The following PDE5A variants were observed in gnomAD, a reference collection of about 807,000 sequenced individuals.
PDE5A encodes the protein cGMP-specific 3',5'-cyclic phosphodiesterase.
Under a neutral mutation model 110.2 loss-of-function variants are expected in PDE5A, and 67 were observed. The ratio of observed to expected loss-of-function variants is 0.61; its 90% confidence interval spans 0.50 to 0.75. The LOEUF (loss-of-function observed/expected upper bound fraction) is 0.75. Ranked by LOEUF, PDE5A falls within the 30% of genes least tolerant of loss-of-function variation. PDE5A has a pLI of 0.00. For synonymous variants in PDE5A, 328 were observed against 351.2 expected, an observed-to-expected ratio of 0.93 and a Z score of 0.74; for missense variants, 862 against 1,045.1, an observed-to-expected ratio of 0.82 and a Z score of 2.42.
At chr4:119,601,038 T>C (rs999169851) in intron 2 of PDE5A, among the ~76,000 whole-genome samples, 1 of 152,196 alleles carries the variant, frequency 6.6e-6, no homozygotes, top group Non-Finnish European at 1.5e-5. Context: ...GTTTCTGATC[T>C]TTGTTCCCAG....
In PDE5A at chr4:119,497,339, G is replaced by A. The variant is rs1725112623; in HGVS notation, c.*1262C>T. ...AATATTGAGTAAATGTGTCTTTAGG[G>A]GCACACATGTAGAATATTAATCCAC... On this transcript the variant is annotated 3_prime_UTR_variant, in exon 21 of 21. Coordinates refer to ENST00000354960, the MANE Select transcript of PDE5A (RefSeq NM_001083.4). 6.6e-6 allele frequency: 1 copy of A among 152,024 alleles called. No individual in the cohort carries two copies. The highest frequency in any genetic ancestry group is 1.5e-5 in the Non-Finnish European group (1 of 67,950). 9.4% of individuals were successfully genotyped at this position (152,024 alleles called of 1,614,324 possible). A position where few individuals can be genotyped will look rare whatever the true frequency, so the allele number is the denominator to read the frequency against.
At position 119,505,943 on chromosome 4, in the gene PDE5A, TA is replaced by T. The variant is rs749708091; in HGVS notation, c.2190-12del. 2.3e-4 allele frequency: 335 copies of T among 1,478,224 alleles called. No homozygotes were observed. The highest frequency in any genetic ancestry group is 4.3e-4 in the Admixed American group (20 of 46,804). 91.6% of individuals were successfully genotyped at this position (1,478,224 alleles called of 1,614,324 possible). Reference sequence around the variant, plus strand: ...AATTCTCCTCGCCTCCTACAATGTTTAAAAAAAAATTGTTAGTTATAATGAG... The same window carrying T: ...AATTCTCCTCGCCTCCTACAATGTTTAAAAAAAATTGTTAGTTATAATGAG... On this transcript the variant is annotated splice_polypyrimidine_tract_variant and intron_variant, in intron 16 of 20. Transcript: ENST00000354960.
intron 3 of PDE5A, among the ~76,000 whole-genome samples, chr4:119,576,980 G>A (rs78931146): frequency 0.76 from 114,966 of 151,632 alleles, 43,905 homozygotes; most frequent in East Asian, 0.89. Context: ...AATCAAATAG[G>A]TGCAATAAAA....
At chr4:119,626,703 G>A (rs1040944747) in intron 1 of PDE5A, among the ~76,000 whole-genome samples, 1 of 151,026 alleles carries the variant, frequency 6.6e-6, no homozygotes, top group Non-Finnish European at 1.5e-5. Context: ...TGGCCTTAGT[G>A]TCTCACGCTA....
chr4:119,532,325 T>TTAAG (rs1469261056), intron 11 of PDE5A, among the ~76,000 whole-genome samples: 1 of 152,166 alleles, frequency 6.6e-6, no homozygotes, highest in African/African-American at 2.4e-5. Context: ...TACATATTTT[T>TTAAG]TAAGTGGAAT....
At chr4:119,558,127 A>G (rs1430739304) in intron 7 of PDE5A, among the ~76,000 whole-genome samples, 4 of 152,196 alleles carry the variant, frequency 2.6e-5, no homozygotes, top group African/African-American at 9.6e-5. Context: ...CTTGAATTGA[A>G]GCACAAAAAC....
At chr4:119,502,211 G>A (rs532722127) in intron 19 of PDE5A, among the ~76,000 whole-genome samples, 4 of 151,224 alleles carry the variant, frequency 2.6e-5, no homozygotes, top group Non-Finnish European at 4.4e-5. Flanking sequence ...AGTGCTGTTT[G>A]TAATAGTGAA....
At position 119,498,611 on chromosome 4, in the gene PDE5A, T is replaced by C; in HGVS notation, c.2618A>G (p.Lys873Arg). The change falls in exon 21 of 21, where the codon AAG (lysine) becomes AGG (arginine). Residue 873 changes from lysine (K) to arginine (R), a missense_variant. Transcript: ENST00000354960. ...CATGAAATAGGCCACTCAGTTCCGC[T>C]TGGCCTGGCCGCTTTCCCCATTAAT... Reference protein sequence around the residue: ...MLINGESGQAKRN With the variant: ...MLINGESGQARRN 1.2e-6 allele frequency: 2 copies of C among 1,614,008 alleles called. No individual in the cohort carries two copies. The highest frequency in any genetic ancestry group is 8.5e-7 in the Non-Finnish European group (1 of 1,179,914).
chr4:119,504,149 T>G (rs1056900140), intron 18 of PDE5A, among the ~76,000 whole-genome samples: 2 of 152,110 alleles, frequency 1.3e-5, no homozygotes, highest in African/African-American at 4.8e-5. Flanking sequence ...TCCATCTTTA[T>G]GTCCGTGTGT....
chr4:119,541,262 C>T (rs1726917817), intron 10 of PDE5A, among the ~76,000 whole-genome samples: 1 of 151,244 alleles, frequency 6.6e-6, no homozygotes, highest in South Asian at 2.1e-4. Context: ...TTAAATTTTT[C>T]AATGAAAAAC....
chr4:119,579,401 G>T (rs1238949900), intron 3 of PDE5A, among the ~76,000 whole-genome samples: 1 of 152,182 alleles, frequency 6.6e-6, no homozygotes, highest in Non-Finnish European at 1.5e-5. Context: ...TATGTTTATT[G>T]CGGCACTATT....
At chr4:119,505,005 T>C (rs1725506273) in intron 17 of PDE5A, among the ~76,000 whole-genome samples, 1 of 152,046 alleles carries the variant, frequency 6.6e-6, no homozygotes. Context: ...ATAAAAGTCT[T>C]ATATCAGAAA....
chr4:119,550,302 G>C (rs1335375197), intron 9 of PDE5A: 2 of 152,176 alleles, frequency 1.3e-5, no homozygotes, highest in Non-Finnish European at 2.9e-5. Context: ...CTGTCATCAA[G>C]TAGGGTGATA....
chr4:119,595,075 T>C (rs1398360760), intron 3 of PDE5A, among the ~76,000 whole-genome samples: 1 of 152,130 alleles, frequency 6.6e-6, no homozygotes, highest in Non-Finnish European at 1.5e-5. Context: ...TTAAAAACCT[T>C]AGGCATTACT....
chr4:119,513,381 C>T (rs1347385774), intron 14 of PDE5A, among the ~76,000 whole-genome samples: 1 of 152,082 alleles, frequency 6.6e-6, no homozygotes, highest in Non-Finnish European at 1.5e-5. Flanking sequence ...TCAAAAGTGC[C>T]TGGGAAGACT....
At chr4:119,534,109 G>A (rs1726643181) in intron 11 of PDE5A, among the ~76,000 whole-genome samples, 1 of 152,178 alleles carries the variant, frequency 6.6e-6, no homozygotes. Flanking sequence ...TGAAAAACAT[G>A]TAGCCCAGTT....
chr4:119,559,596 G>GA (rs1296097072), intron 7 of PDE5A, among the ~76,000 whole-genome samples: 1 of 151,622 alleles, frequency 6.6e-6, no homozygotes, highest in Non-Finnish European at 1.5e-5. Flanking sequence ...TTCCAAAAAG[G>GA]AAAAAAGATA....
In PDE5A at chr4:119,539,493, T is replaced by C. The variant is rs887512712; in HGVS notation, c.1573-474A>G. On this transcript the variant is annotated intron_variant, in intron 10 of 20. Coordinates refer to ENST00000354960, the MANE Select transcript of PDE5A (RefSeq NM_001083.4). The stretch of plus-strand genomic sequence containing the variant: ...GGCTCTCAGATGAGGCCTGTAACCA[T>C]TCTAGAATTCACACAGAAAAACTGG... Among the ~76,000 whole-genome samples, 76 of 152,042 alleles carry C rather than the reference T, an allele frequency of 5.0e-4. 2 individuals are homozygous for C. Among genetic ancestry groups the C allele is most frequent in the Non-Finnish European group, 9.9e-4 (67 of 68,008 alleles).
intron 1 of PDE5A, among the ~76,000 whole-genome samples, chr4:119,619,225 C>T (rs1039563190): frequency 6.6e-6 from 1 of 152,102 alleles, no homozygotes; most frequent in African/African-American, 2.4e-5. Flanking sequence ...GTTTCAGTTA[C>T]GTTGTTTGCA....
Sources: allele counts gnomAD v4.1 joint callset (sites outside exome capture counted in the v4.1 genomes callset), GRCh38; gene constraint gnomAD v4.1.1; transcripts MANE v1.5; gene names NCBI Gene and HGNC (gene_info 2026-07-23, HGNC 2026-07-21).